The following TBC1D22A variants were observed in gnomAD, a reference collection of about 807,000 sequenced individuals.
TBC1D22A encodes the protein TBC1 domain family member 22A.
Under a neutral mutation model 60.2 loss-of-function variants are expected in TBC1D22A, and 38 were observed. The observed-to-expected ratio is 0.63, with a 90% CI of 0.49 to 0.83. The LOEUF (loss-of-function observed/expected upper bound fraction) is 0.83, where lower values mean the gene tolerates loss of function less well. TBC1D22A is among the 40% of genes least tolerant of loss of function. TBC1D22A has a pLI of 0.00. For missense variants in TBC1D22A, 628 were observed against 701.0 expected (o/e 0.90, Z 1.18); for synonymous variants, 302 against 281.7 (o/e 1.07, Z -0.72).
intron 1 of TBC1D22A, among the ~76,000 whole-genome samples, chr22:46,775,925 A>G (rs1477518939): frequency 2.0e-5 from 3 of 152,230 alleles, no homozygotes; most frequent in African/African-American, 7.2e-5. Flanking sequence ...ATTAAATGGA[A>G]CAAGCAGTTA....
intron 4 of TBC1D22A, among the ~76,000 whole-genome samples, chr22:46,811,446 G>C (rs1389128044): frequency 6.6e-6 from 1 of 152,214 alleles, no homozygotes; most frequent in Non-Finnish European, 1.5e-5. Flanking sequence ...TGTCTCATGG[G>C]TGTGATTTCC....
intron 12 of TBC1D22A, among the ~76,000 whole-genome samples, chr22:47,154,099 G>A (rs991537409): frequency 6.6e-6 from 1 of 152,152 alleles, no homozygotes; most frequent in Non-Finnish European, 1.5e-5. Flanking sequence ...GCTGGCGGGA[G>A]CAGGGGAGCT....
intron 8 of TBC1D22A, among the ~76,000 whole-genome samples, chr22:46,920,639 G>A (rs968562127): frequency 2.0e-5 from 3 of 152,252 alleles, no homozygotes; most frequent in South Asian, 4.1e-4. Context: ...GAGAAGCTTC[G>A]TGGATTAGAG....
intron 4 of TBC1D22A, among the ~76,000 whole-genome samples, chr22:46,802,664 C>T (rs17834795): frequency 0.074 from 11,276 of 152,178 alleles, 582 homozygotes; most frequent in Non-Finnish European, 0.11. Flanking sequence ...GAGTAAAGCG[C>T]GGTGCAGAGC....
intron 12 of TBC1D22A, among the ~76,000 whole-genome samples, chr22:47,128,839 AG>A (rs1246535553): frequency 2.0e-5 from 3 of 152,212 alleles, no homozygotes; most frequent in Non-Finnish European, 4.4e-5. Context: ...TGGGCCCCAG[AG>A]TCCCATCAAG....
intron 4 of TBC1D22A, among the ~76,000 whole-genome samples, chr22:46,807,129 A>G (rs2085179127): frequency 6.6e-6 from 1 of 152,256 alleles, no homozygotes; most frequent in Non-Finnish European, 1.5e-5. Flanking sequence ...GGATTTCTTT[A>G]AGAAGGAAAG....
chr22:47,106,106 A>T (rs2065623797), intron 11 of TBC1D22A, among the ~76,000 whole-genome samples: 2 of 152,196 alleles, frequency 1.3e-5, no homozygotes, highest in African/African-American at 4.8e-5. Context: ...GAACTAGAAG[A>T]GATATTTGAG....
chr22:47,159,553 A>G (rs2067883545), intron 12 of TBC1D22A, among the ~76,000 whole-genome samples: 4 of 149,556 alleles, frequency 2.7e-5, no homozygotes. Context: ...GTATACTCAC[A>G]TTACACACAC....
At chr22:46,904,069 T>C (rs1369367716) in intron 7 of TBC1D22A, among the ~76,000 whole-genome samples, 3 of 150,820 alleles carry the variant, frequency 2.0e-5, no homozygotes, top group East Asian at 3.9e-4. Flanking sequence ...TATATGTGTA[T>C]GTATACATAT....
intron 12 of TBC1D22A, among the ~76,000 whole-genome samples, chr22:47,132,274 C>G (rs560740449): frequency 5.3e-5 from 8 of 152,322 alleles, no homozygotes; most frequent in Non-Finnish European, 7.4e-5. Flanking sequence ...GAGCCCTCTT[C>G]TGGCCCCGTG....
chr22:47,132,395 C>G (rs187580196), intron 12 of TBC1D22A, among the ~76,000 whole-genome samples: 3 of 152,346 alleles, frequency 2.0e-5, no homozygotes, highest in Non-Finnish European at 4.4e-5. Flanking sequence ...CTAGAATGTG[C>G]GCTTGATCCC....
intron 10 of TBC1D22A, among the ~76,000 whole-genome samples, chr22:47,022,924 A>G (rs903344934): frequency 2.0e-5 from 3 of 152,262 alleles, no homozygotes; most frequent in Admixed American, 2.0e-4. Context: ...AGATATTTAT[A>G]GGAATAAAAA....
chr22:47,001,064 G>T (rs763330134), intron 10 of TBC1D22A, among the ~76,000 whole-genome samples: 1 of 152,094 alleles, frequency 6.6e-6, no homozygotes, highest in East Asian at 1.9e-4. Flanking sequence ...GATTAGTCAG[G>T]ATAGGGATCT....
intron 9 of TBC1D22A, among the ~76,000 whole-genome samples, chr22:46,988,013 C>A (rs1277228903): frequency 1.3e-5 from 2 of 152,016 alleles, no homozygotes; most frequent in Non-Finnish European, 2.9e-5. Context: ...ACAGCATCTT[C>A]ATCAGGAATA....
chr22:46,962,409 G>T lies in TBC1D22A; in HGVS notation c.1016-11881G>T, dbSNP rs549520529. On this transcript the variant is annotated intron_variant, in intron 8 of 12. Transcript: ENST00000337137. ...TGGATGATCTTAGGCCCTGCTGGCTGTAGAATAAACTTCCAACATGTCTTT... is the reference window on the plus strand; with the variant it reads ...TGGATGATCTTAGGCCCTGCTGGCTTTAGAATAAACTTCCAACATGTCTTT... Among the ~76,000 whole-genome samples the T allele has an allele frequency of 3.9e-5, 6 of 152,358 alleles. No individual in the cohort carries two copies. In the East Asian group the frequency reaches 1.2e-3, roughly 29 times the overall value.
intron 11 of TBC1D22A, among the ~76,000 whole-genome samples, chr22:47,042,339 C>T (rs565038754): frequency 3.9e-5 from 6 of 152,154 alleles, no homozygotes; most frequent in African/African-American, 9.7e-5. Context: ...CCCATCAGTG[C>T]GCTGTGGCAG....
At chr22:47,082,512 AT>A (rs1238174962) in intron 11 of TBC1D22A, among the ~76,000 whole-genome samples, 1 of 152,250 alleles carries the variant, frequency 6.6e-6, no homozygotes, top group Non-Finnish European at 1.5e-5. Flanking sequence ...TATCCAGGAT[AT>A]ATAAAAACTC....
chr22:46,822,152 G>A (rs1034816720), intron 4 of TBC1D22A, among the ~76,000 whole-genome samples: 2 of 151,812 alleles, frequency 1.3e-5, no homozygotes, highest in Non-Finnish European at 2.9e-5. Flanking sequence ...CTTTTATCAA[G>A]GTTCTTAGCT....
intron 5 of TBC1D22A, among the ~76,000 whole-genome samples, chr22:46,888,489 C>T (rs928651093): frequency 6.6e-6 from 1 of 152,090 alleles, no homozygotes. Context: ...TTGTTGTGCC[C>T]GCCATCTGGT....
Sources: gnomAD v4.1 joint callset for allele counts (sites outside exome capture counted in the v4.1 genomes callset) on GRCh38, gnomAD v4.1.1 for gene constraint, MANE v1.5 for transcripts, NCBI Gene and HGNC (gene_info 2026-07-23, HGNC 2026-07-21) for gene names.